The following H2BC4 variants were observed in gnomAD, a reference collection of about 807,000 sequenced individuals.
H2BC4 encodes histone H2B type 1-C/E/F/G/I.
Under a neutral mutation model 6.2 loss-of-function variants are expected in H2BC4, and 10 were observed. That is an observed-to-expected ratio of 1.61 (90% CI 0.99 to 2.73). H2BC4 has a LOEUF of 2.73. Among genes scored for constraint, H2BC4 ranks in the 30% most tolerant of loss-of-function variants. The pLI is 0.00. For synonymous variants in H2BC4, 146 were observed against 70.7 expected (o/e 2.07, Z -5.35); for missense variants, 176 against 168.7 (o/e 1.04, Z -0.24).
downstream of H2BC4, among the ~76,000 whole-genome samples, chr6:26,119,300 G>A (rs951037697): frequency 3.9e-5 from 6 of 152,030 alleles, no homozygotes; most frequent in African/African-American, 1.2e-4. Flanking sequence ...TCTCTTATCT[G>A]TTTATCAATG....
chr6:26,120,774 C>T (rs198827), downstream of H2BC4, among the ~76,000 whole-genome samples: 72,134 of 151,572 alleles, frequency 0.48, 17,741 homozygotes, highest in Non-Finnish European at 0.54. Context: ...TCTTTTTTTT[C>T]CCTGACTCAA....
downstream of H2BC4, among the ~76,000 whole-genome samples, chr6:26,113,473 G>T (rs563034376): frequency 1.6e-4 from 25 of 152,326 alleles, no homozygotes; most frequent in South Asian, 2.3e-3. Context: ...TTTGGCTGTT[G>T]ACTGTGAGGT....
At chr6:26,117,657 T>C (rs1763441218) in intron 1 of H2BC4, among the ~76,000 whole-genome samples, 1 of 152,206 alleles carries the variant, frequency 6.6e-6, no homozygotes, top group African/African-American at 2.4e-5. Context: ...GGTAGTTGAG[T>C]TTGTCAAACT....
downstream of H2BC4, among the ~76,000 whole-genome samples, chr6:26,122,643 G>T (rs553829211): frequency 6.6e-5 from 10 of 152,214 alleles, no homozygotes; most frequent in East Asian, 1.9e-3. Context: ...TTCAGTGTTC[G>T]AAGGCTTGTC....
chr6:26,120,071 T>C (rs1163669319), downstream of H2BC4, among the ~76,000 whole-genome samples: 3 of 152,208 alleles, frequency 2.0e-5, no homozygotes, highest in African/African-American at 7.2e-5. Flanking sequence ...AATTGATGTA[T>C]TTTAAGTCTT....
At chr6:26,123,035 C>G (rs1390512900), downstream of H2BC4, among the ~76,000 whole-genome samples, 1 of 152,214 alleles carries the variant, frequency 6.6e-6, no homozygotes, top group Non-Finnish European at 1.5e-5. Flanking sequence ...TAGGCAGTTA[C>G]TGCCCAGGTT....
chr6:26,119,594 C>T (rs1763471938), downstream of H2BC4, among the ~76,000 whole-genome samples: 1 of 151,942 alleles, frequency 6.6e-6, no homozygotes, highest in Non-Finnish European at 1.5e-5. Context: ...GAATAATTTA[C>T]AATTTTAGAA....
chr6:26,113,523 T>A (rs961792370), downstream of H2BC4, among the ~76,000 whole-genome samples: 1 of 152,214 alleles, frequency 6.6e-6, no homozygotes, highest in Non-Finnish European at 1.5e-5. Flanking sequence ...TGGCCTTGGA[T>A]TGAGGAGAAC....
At chr6:26,122,068 A>AG (rs1561954562), downstream of H2BC4, among the ~76,000 whole-genome samples, 1 of 151,086 alleles carries the variant, frequency 6.6e-6, no homozygotes, top group East Asian at 1.9e-4. Flanking sequence ...AAAAAAAAAA[A>AG]AAAGAAAAAA....
At chr6:26,115,622 GC>G (rs1341235983) in intron 1 of H2BC4, among the ~76,000 whole-genome samples, 1 of 152,130 alleles carries the variant, frequency 6.6e-6, no homozygotes, top group African/African-American at 2.4e-5. Flanking sequence ...GATTTTTAGA[GC>G]CTAGAACCCT....
chr6:26,115,763 T>C (rs1482590902), intron 1 of H2BC4, among the ~76,000 whole-genome samples: 1 of 152,196 alleles, frequency 6.6e-6, no homozygotes, highest in Non-Finnish European at 1.5e-5. Context: ...CTGCAGATTT[T>C]TTAAACATGC....
At chr6:26,123,272 T>C, downstream of H2BC4, 1 of 616,834 alleles carries the variant, frequency 1.6e-6, no homozygotes, top group East Asian at 3.3e-5. Flanking sequence ...TGGCCGCTTG[T>C]CTCCATTTTA....
intron 1 of H2BC4, among the ~76,000 whole-genome samples, chr6:26,117,477 C>A (rs1763438171): frequency 6.6e-6 from 1 of 152,192 alleles, no homozygotes; most frequent in Admixed American, 6.5e-5. Flanking sequence ...GGGAGTCAAA[C>A]TTGGAGTCTG....
In H2BC4 at chr6:26,123,914, C is replaced by G. The variant is rs774532919; in HGVS notation, c.-10G>C. ...TGGCTGGCTCAGGCATCTTAAAACA[C>G]CAGAAATGTGTCGAAAGTAAAGAGC... is the stretch of plus-strand genomic sequence containing the variant. On this transcript the variant is annotated 5_prime_UTR_variant, in exon 1 of 1. Transcript: ENST00000396984. 2 of 1,611,568 alleles carry G rather than the reference C, an allele frequency of 1.2e-6. No individual in the cohort carries two copies. The highest frequency in any genetic ancestry group is 1.1e-5 in the South Asian group (1 of 90,870).
downstream of H2BC4, among the ~76,000 whole-genome samples, chr6:26,121,552 T>C (rs1167281917): frequency 2.6e-5 from 4 of 152,140 alleles, no homozygotes; most frequent in Non-Finnish European, 5.9e-5. Flanking sequence ...TACTGGGTAC[T>C]TGTACAGAAG....
chr6:26,113,794 T>C (rs1581686911), downstream of H2BC4, among the ~76,000 whole-genome samples: 1 of 151,886 alleles, frequency 6.6e-6, no homozygotes, highest in Admixed American at 6.6e-5. Flanking sequence ...GCTTGTAGAG[T>C]GCTACCTTCT....
chr6:26,116,328 T>C (rs879422467), intron 1 of H2BC4, among the ~76,000 whole-genome samples: 3 of 152,196 alleles, frequency 2.0e-5, no homozygotes, highest in Non-Finnish European at 2.9e-5. Context: ...GCGCATTGGA[T>C]GATAAGGTTA....
downstream of H2BC4, among the ~76,000 whole-genome samples, chr6:26,114,616 A>G (rs1763396730): frequency 6.6e-6 from 1 of 152,074 alleles, no homozygotes; most frequent in African/African-American, 2.4e-5. Flanking sequence ...TAATATTTGA[A>G]CAAAGATTTA....
downstream of H2BC4, among the ~76,000 whole-genome samples, chr6:26,120,614 G>T (rs1763485378): frequency 6.6e-6 from 1 of 152,128 alleles, no homozygotes; most frequent in African/African-American, 2.4e-5. Context: ...AGTCCCTCAG[G>T]TGGCACCACT....
Sources: allele counts gnomAD v4.1 joint callset (sites outside exome capture counted in the v4.1 genomes callset), GRCh38; gene constraint gnomAD v4.1.1; transcripts MANE v1.5; gene names NCBI Gene and HGNC (gene_info 2026-07-23, HGNC 2026-07-21).